The following AKAP13 variants were observed in gnomAD, a reference collection of about 807,000 sequenced individuals.
AKAP13 encodes the protein A-kinase anchor protein 13.
In AKAP13, 80 loss-of-function variants were observed where a neutral mutation model predicts 264.5. The observed-to-expected ratio is 0.30, with a 90% confidence interval of 0.25 to 0.36. The LOEUF (loss-of-function observed/expected upper bound fraction) is 0.36. Ranked by LOEUF, AKAP13 falls within the 10% of genes least tolerant of loss-of-function variation. The probability of loss-of-function intolerance (pLI) is 1.00; values close to 1 mark genes in which losing one functional copy is unlikely to be tolerated. For synonymous variants in AKAP13, 1,380 were observed against 1,250.2 expected (o/e 1.10, Z -2.19); for missense variants, 3,712 against 3,435.2 (o/e 1.08, Z -2.01).
intron 6 of AKAP13, among the ~76,000 whole-genome samples, chr15:85,577,449 TTTCTC>T (rs2079052304): frequency 6.6e-6 from 1 of 152,232 alleles, no homozygotes; most frequent in Admixed American, 6.5e-5. Flanking sequence ...TGTATTTGTT[TTTCTC>T]CATTTTAAAC....
At chr15:85,736,912 C>CTTTTTTTTTTTTTTTTTTTTTTTTTTT (rs11407996) in intron 33 of AKAP13, among the ~76,000 whole-genome samples, 2 of 98,044 alleles carry the variant, frequency 2.0e-5, no homozygotes, top group Non-Finnish European at 3.7e-5. Context: ...ATATCATCAT[C>CTTTTTTTTTTTTTTTTTTTTTTTTTTT]TTTTTTTTTT....
At chr15:85,586,379 G>A (rs530285902) in intron 8 of AKAP13, among the ~76,000 whole-genome samples, 2 of 151,922 alleles carry the variant, frequency 1.3e-5, no homozygotes, top group East Asian at 1.9e-4. Flanking sequence ...ACTAATTTTT[G>A]TACTTTTTGT....
At position 85,719,173 on chromosome 15, in the gene AKAP13, G is replaced by C. The variant is rs897282200; in HGVS notation, c.6099G>C (p.Gln2033His). The C allele has an allele frequency of 2.5e-6, 4 of 1,614,218 alleles. No individual in the cohort carries two copies. Residue 2033 changes from glutamine to histidine, a missense_variant, in exon 23 of 37, where the codon CAG becomes CAC. This residue lies in a region of AKAP13 where 342 missense variants were observed against 484.3 expected (regional missense o/e 0.71). Transcript: ENST00000394518. ...GMMADLLFEQQMVEKLFPCLD... is the reference protein window; with the variant it reads ...GMMADLLFEQHMVEKLFPCLD... ...TGGCGGATCTGCTTTTTGAGCAGCA[G>C]ATGGTAGAAAAGCTGTTCCCCTGTT...
chr15:85,594,482 T>C (rs1257674968), intron 8 of AKAP13, among the ~76,000 whole-genome samples: 1 of 152,252 alleles, frequency 6.6e-6, no homozygotes, highest in Non-Finnish European at 1.5e-5. Flanking sequence ...AATATTATAT[T>C]ATTTTTACAC....
intron 1 of AKAP13, among the ~76,000 whole-genome samples, chr15:85,430,137 G>C (rs1357423554): frequency 1.3e-5 from 2 of 152,186 alleles, no homozygotes; most frequent in African/African-American, 4.8e-5. Flanking sequence ...GTCATATTCT[G>C]TAAAGTCTCA....
chr15:85,658,651 A>G, intron 12 of AKAP13, 61 bp downstream of exon 12: 2 of 1,449,330 alleles, frequency 1.4e-6, no homozygotes, highest in South Asian at 1.2e-5. Context: ...ACTAACAAGC[A>G]TCTCATTCTG....
chr15:85,573,955 C>T (rs550717550), intron 5 of AKAP13, among the ~76,000 whole-genome samples: 1 of 152,124 alleles, frequency 6.6e-6, no homozygotes, highest in Non-Finnish European at 1.5e-5. Flanking sequence ...TTCTCTAATT[C>T]TCAAAACAGT....
intron 1 of AKAP13, among the ~76,000 whole-genome samples, chr15:85,394,927 A>G (rs901528569): frequency 1.3e-5 from 2 of 152,220 alleles, no homozygotes; most frequent in African/African-American, 2.4e-5. Flanking sequence ...ACTCCTTTCT[A>G]CTTTGCTTGG....
chr15:85,420,885 G>T (rs1354238718), intron 1 of AKAP13, among the ~76,000 whole-genome samples: 2 of 152,038 alleles, frequency 1.3e-5, no homozygotes, highest in East Asian at 3.9e-4. Context: ...GGAGTTTGAG[G>T]CCAGACTGGG....
chr15:85,735,624 A>C lies in AKAP13; in HGVS notation c.7506A>C (p.Leu2502=). ...GGAGAACGGAATCAGATAGTGGCCTAAAAAAGGTATTTCTCTTTAAAATAC... is the reference window on the plus strand; with the variant it reads ...GGAGAACGGAATCAGATAGTGGCCTCAAAAAGGTATTTCTCTTTAAAATAC... ...DLRRTESDSG[L]KKGGNANLVF... Residue 2502 remains leucine, a synonymous_variant, in exon 32 of 37, where the codon CTA becomes CTC. Coordinates refer to ENST00000394518, the MANE Select transcript of AKAP13 (RefSeq NM_007200.5). 1 of 1,612,156 alleles carries C rather than the reference A, an allele frequency of 6.2e-7. No homozygotes were observed.
chr15:85,466,269 C>G (rs1490122907), intron 1 of AKAP13, among the ~76,000 whole-genome samples: 9 of 151,930 alleles, frequency 5.9e-5, no homozygotes, highest in Admixed American at 1.3e-4. Flanking sequence ...TGTCAGATGA[C>G]TAGGTTGTGA....
intron 7 of AKAP13, among the ~76,000 whole-genome samples, chr15:85,583,335 A>G (rs1198675940): frequency 6.6e-6 from 1 of 152,150 alleles, no homozygotes; most frequent in East Asian, 1.9e-4. Context: ...TACAGTGGTT[A>G]TTTTCCCTGG....
At chr15:85,425,505 C>T (rs2072734517) in intron 1 of AKAP13, among the ~76,000 whole-genome samples, 2 of 152,094 alleles carry the variant, frequency 1.3e-5, no homozygotes, top group Non-Finnish European at 1.5e-5. Flanking sequence ...CACTTGAGGT[C>T]AGGAGTTCAA....
chr15:85,585,952 G>A, intron 8 of AKAP13, 129 bp downstream of exon 8: 1 of 1,264,184 alleles, frequency 7.9e-7, no homozygotes, highest in Non-Finnish European at 1.1e-6. Flanking sequence ...TCCCTCTTGT[G>A]CTGTTATATA....
In AKAP13 at chr15:85,578,943, A is replaced by G; in HGVS notation, c.875A>G (p.Lys292Arg). Residue 292 changes from lysine (K) to arginine (R), a missense_variant, in exon 7 of 37, where the codon AAG (lysine) becomes AGG (arginine). Physicochemically the swap from Lys to Arg is conservative, Grantham distance 26 (BLOSUM62 2). Around this residue, in one of 3 missense-constraint regions of AKAP13, gnomAD observed 2,759 missense variants for 2,411.7 expected, o/e 1.14. Transcript: ENST00000394518. ...IQQQLMKTNL[K>R]QMDSLMPLMM... ...ATTTCCTCCTAGAAAACAAACCTCA[A>G]GCAGATGGACAGTCTTATGCCCTTA... The G allele has an allele frequency of 6.2e-7, 1 of 1,607,628 alleles. No homozygotes were observed.
rs182433777 is a variant in AKAP13, at chr15:85,736,473, C to T, written c.7557+339C>T. On this transcript the variant is annotated intron_variant, in intron 33 of 36. Coordinates refer to ENST00000394518, the MANE Select transcript of AKAP13 (RefSeq NM_007200.5). ...TGTTTGAGATGGGGTCTCACTCTATCGCCCAGCTCGCTGCAACCTCTACCT... is the reference window on the plus strand; with the variant it reads ...TGTTTGAGATGGGGTCTCACTCTATTGCCCAGCTCGCTGCAACCTCTACCT... 8.9e-4 allele frequency among the ~76,000 whole-genome samples: 136 copies of T among 152,132 alleles called. 1 individual carries two copies. The highest frequency in any genetic ancestry group is 3.0e-3 in the African/African-American group (125 of 41,434).
At chr15:85,625,267 A>T (rs1386969599) in intron 8 of AKAP13, among the ~76,000 whole-genome samples, 1 of 152,166 alleles carries the variant, frequency 6.6e-6, no homozygotes, top group Non-Finnish European at 1.5e-5. Flanking sequence ...AAAAGGGTAA[A>T]TCTGAATAGA....
At chr15:85,388,185 G>A (rs2070678670) in intron 1 of AKAP13, among the ~76,000 whole-genome samples, 1 of 151,542 alleles carries the variant, frequency 6.6e-6, no homozygotes, top group African/African-American at 2.4e-5. Context: ...ACAGGTGCAT[G>A]TTGTCATGCC....
intron 5 of AKAP13, among the ~76,000 whole-genome samples, chr15:85,567,429 A>T (rs2078644761): frequency 6.6e-6 from 1 of 152,208 alleles, no homozygotes; most frequent in African/African-American, 2.4e-5. Flanking sequence ...TGTTACATGG[A>T]CATATTTTGT....
Sources: allele counts gnomAD v4.1 joint callset (sites outside exome capture counted in the v4.1 genomes callset), GRCh38; gene constraint gnomAD v4.1.1; regional missense constraint gnomAD v4.1.1; transcripts MANE v1.5; gene names NCBI Gene and HGNC (gene_info 2026-07-23, HGNC 2026-07-21).